The following LAMC2 variants were observed in gnomAD, a reference collection of about 807,000 sequenced individuals.
LAMC2 encodes laminin subunit gamma-2.
LAMC2 carries 97 observed loss-of-function variants against 140.2 expected under a neutral mutation model. That is an observed-to-expected ratio of 0.69 (90% CI 0.59 to 0.82). The LOEUF (loss-of-function observed/expected upper bound fraction) is 0.82. LAMC2 is among the 40% of genes least tolerant of loss of function. LAMC2 has a pLI of 0.00. For synonymous variants in LAMC2, 513 were observed against 540.2 expected (o/e 0.95, Z 0.70); for missense variants, 1,402 against 1,476.1 (o/e 0.95, Z 0.82).
intron 11 of LAMC2, among the ~76,000 whole-genome samples, chr1:183,230,698 T>G (rs1225660263): frequency 3.3e-5 from 5 of 152,042 alleles, no homozygotes; most frequent in Admixed American, 2.0e-4. Context: ...AAAGCCAGAG[T>G]GCTTGCAGAA....
chr1:183,252,414 A>T, the LAMC2 span: 2 of 326,426 alleles, frequency 6.1e-6, no homozygotes, highest in Middle Eastern at 1.2e-3. Flanking sequence ...CTCCCACCCC[A>T]TTCCCTCACC....
rs1659711515 is a variant in LAMC2, at chr1:183,228,716, A to T, written c.1714+97A>T. The T allele has an allele frequency of 3.9e-6, 6 of 1,528,714 alleles. No individual in the cohort carries two copies. Among genetic ancestry groups the T allele is most frequent in the East Asian group, 2.2e-5 (1 of 44,460 alleles). 94.7% of individuals were successfully genotyped at this position (1,528,714 alleles called of 1,614,324 possible). On this transcript the variant is annotated intron_variant, in intron 11 of 22. Coordinates refer to ENST00000264144, the MANE Select transcript of LAMC2 (RefSeq NM_005562.3). This position sits in a 1 kb window ranked among gnomAD's most constrained non-coding sequence, Gnocchi z 4.3. ...AGGGACAATGGCAGTTCATATCATG[A>T]TGTTACTTTGATTCTCTGACCAAAC...
In LAMC2 at chr1:183,243,376, T is replaced by C; in HGVS notation, c.3558T>C (p.Asn1186=). 2 of 1,614,190 alleles carry C rather than the reference T, an allele frequency of 1.2e-6. No homozygotes were observed. Among genetic ancestry groups the C allele is most frequent in the African/African-American group, 1.3e-5 (1 of 75,058 alleles). Residue 1186 remains asparagine, a synonymous_variant, in exon 23 of 23, where the codon AAT becomes AAC. Coordinates refer to ENST00000264144, the MANE Select transcript of LAMC2 (RefSeq NM_005562.3). ...ACAACCTGCCCCCAGGCTGCTACAA[T>C]ACCCAGGCTCTTGAGCAACAGTGAA... is the stretch of plus-strand genomic sequence containing the variant. ...IRDNLPPGCY[N]TQALEQQ
the LAMC2 span, chr1:183,252,670 T>A: frequency 6.2e-7 from 1 of 1,614,070 alleles, no homozygotes; most frequent in South Asian, 1.1e-5. Flanking sequence ...TACAGCTGGC[T>A]TTTGAGGATG....
At chr1:183,245,349 A>G (rs1423206819), downstream of LAMC2, among the ~76,000 whole-genome samples, 1 of 152,232 alleles carries the variant, frequency 6.6e-6, no homozygotes, top group African/African-American at 2.4e-5. Context: ...AGGTCTGGTC[A>G]CTTTGCTTTA....
chr1:183,218,393 C>T lies in LAMC2; in HGVS notation c.408C>T (p.Asp136=). 2.5e-6 allele frequency: 4 copies of T among 1,613,662 alleles called. No homozygotes were observed. The highest frequency in any genetic ancestry group is 3.4e-6 in the Non-Finnish European group (4 of 1,179,552). The change falls in exon 4 of 23, where the codon GAC becomes GAT. Residue 136 remains aspartate, a synonymous_variant. Coordinates refer to ENST00000264144, the MANE Select transcript of LAMC2 (RefSeq NM_005562.3). ...TTTTCTTTTTCTTCTTCCCCAGAGA[C>T]TCCAAGTGTGACTGTGACCCAGCTG... is the stretch of plus-strand genomic sequence containing the variant. ...AGCTQDQRLL[D]SKCDCDPAGI...
In LAMC2 at chr1:183,207,997, G is replaced by A. The variant is rs146325169; in HGVS notation, c.196G>A (p.Glu66Lys). The A allele has an allele frequency of 1.5e-3, 2,453 of 1,614,096 alleles. 2 individuals carry two copies. Among genetic ancestry groups the A allele is most frequent in the Middle Eastern group, 3.5e-3 (21 of 6,062 alleles). Residue 66 changes from glutamate (E) to lysine (K), a missense_variant, in exon 2 of 23, where the codon GAG becomes AAG. By Grantham distance (56) the Glu-to-Lys change is moderately conservative. Transcript: ENST00000264144. ...CNDNTDGIHC[E>K]KCKNGFYRHR... Reference sequence around the variant, plus strand: ...TGACAACACTGATGGCATTCACTGCGAGAAGTGCAAGAATGGCTTTTACCG... The same window carrying A: ...TGACAACACTGATGGCATTCACTGCAAGAAGTGCAAGAATGGCTTTTACCG...
intron 1 of LAMC2, 46 bp from the exon 2 acceptor site, chr1:183,207,835 G>GTGT: frequency 1.7e-6 from 2 of 1,185,252 alleles, no homozygotes; most frequent in South Asian, 1.3e-5. Flanking sequence ...TTCCTGAGGT[G>GTGT]TTTTTTTTTT....
At chr1:183,247,080 G>A (rs1157560287), downstream of LAMC2, among the ~76,000 whole-genome samples, 1 of 152,202 alleles carries the variant, frequency 6.6e-6, no homozygotes, top group African/African-American at 2.4e-5. Context: ...GGAGGCCAAG[G>A]CAGGCAGATC....
chr1:183,237,619 C>A, intron 18 of LAMC2, 115 bp downstream of exon 18: 1 of 1,073,874 alleles, frequency 9.3e-7, no homozygotes, highest in Non-Finnish European at 1.4e-6. Context: ...TGACTTATCC[C>A]TGTAATCCCC....
Position 183,221,685 on chromosome 1 carries a change from C to T in LAMC2, c.641-404C>T, listed in dbSNP as rs996780435. Among the ~76,000 whole-genome samples, 5 of 151,302 alleles carry T rather than the reference C, an allele frequency of 3.3e-5. No homozygotes were observed. In the East Asian group the frequency reaches 5.8e-4, roughly 18 times the overall value. On this transcript the variant is annotated intron_variant, in intron 5 of 22. Coordinates refer to ENST00000264144, the MANE Select transcript of LAMC2 (RefSeq NM_005562.3). ...CGGAGCTTGCAGTGAGCCGAGATCG[C>T]GCCACTGCACTCCAGCCTGGGTGAC...
chr1:183,200,774 C>T (rs1414004945), intron 1 of LAMC2, among the ~76,000 whole-genome samples: 1 of 152,056 alleles, frequency 6.6e-6, no homozygotes, highest in African/African-American at 2.4e-5. Context: ...CTTTGATCTG[C>T]GTCTCTGGGT....
At position 183,238,418 on chromosome 1, in the gene LAMC2, A is replaced by G. The variant is rs1335597117; in HGVS notation, c.2866A>G (p.Arg956Gly). ...YEVESILKNL[R>G]EFDLQVDNRK... The stretch of plus-strand genomic sequence containing the variant: ...AGTTGAGAGCATCCTTAAAAACCTC[A>G]GAGGTTAGTACTTCATGGTTCAGGT... Residue 956 changes from arginine to glycine, a missense_variant, in exon 19 of 23, where the codon AGA becomes GGA. Physicochemically the swap from Arg to Gly is moderately radical, Grantham distance 125 (BLOSUM62 -2). Coordinates refer to ENST00000264144, the MANE Select transcript of LAMC2 (RefSeq NM_005562.3). 1 of 1,600,034 alleles carries G rather than the reference A, an allele frequency of 6.2e-7. No individual in the cohort carries two copies. Among genetic ancestry groups the G allele is most frequent in the Non-Finnish European group, 8.6e-7 (1 of 1,167,116 alleles).
In LAMC2 at chr1:183,237,438, G is replaced by A. The variant is rs1047981; in HGVS notation, c.2688G>A (p.Gln896=). 0.22 allele frequency: 356,084 copies of A among 1,613,376 alleles called. 46,122 individuals carry two copies. The highest frequency in any genetic ancestry group is 0.51 in the African/African-American group (38,354 of 74,924). The change falls in exon 18 of 23, where the codon CAG becomes CAA. Residue 896 remains glutamine (Q), a synonymous_variant. Transcript: ENST00000264144. The part of the protein sequence containing the change: ...TRHMDEFKRT[Q]KNLGNWKEEA... ...ATATGGATGAGTTCAAGCGTACACA[G>A]AAGAATCTGGGAAACTGGAAAGAAG...
chr1:183,189,752 CTG>C (rs1441415152), intron 1 of LAMC2, among the ~76,000 whole-genome samples: 1 of 152,152 alleles, frequency 6.6e-6, no homozygotes, highest in Non-Finnish European at 1.5e-5. Context: ...CAAAGGAAGA[CTG>C]TCAGCAACAT....
At chr1:183,193,962 A>G (rs951431270) in intron 1 of LAMC2, among the ~76,000 whole-genome samples, 13 of 152,030 alleles carry the variant, frequency 8.6e-5, no homozygotes, top group Admixed American at 5.9e-4. Context: ...TTTGAGATGG[A>G]GTCTCCCTCT....
Position 183,243,701 on chromosome 1 carries a change from A to G in LAMC2, c.*301A>G, listed in dbSNP as rs1367582094. 4 of 446,208 alleles carry G rather than the reference A, an allele frequency of 9.0e-6. No homozygotes were observed. Among genetic ancestry groups the G allele is most frequent in the Non-Finnish European group, 1.2e-5 (3 of 240,860 alleles). The allele number at this position is 446,208 out of a possible 1,614,324, so 27.6% of individuals were successfully genotyped here. ...AACTGCACAGGCAGATGTTTGCCTCATAATAGTCGTAAGTGGAGTCCTGGA... is the reference window on the plus strand; with the variant it reads ...AACTGCACAGGCAGATGTTTGCCTCGTAATAGTCGTAAGTGGAGTCCTGGA... On this transcript the variant is annotated 3_prime_UTR_variant, in exon 23 of 23. Coordinates refer to ENST00000264144, the MANE Select transcript of LAMC2 (RefSeq NM_005562.3).
Position 183,226,689 on chromosome 1 carries a change from C to T in LAMC2, c.1067-9C>T, listed in dbSNP as rs371632343. ...ACTTGCAACTTCTAACCTGTTCTCTCGATTGCAGGTACTGGGTACATTGAC... is the reference window on the plus strand; with the variant it reads ...ACTTGCAACTTCTAACCTGTTCTCTTGATTGCAGGTACTGGGTACATTGAC... On this transcript the variant is annotated splice_polypyrimidine_tract_variant and intron_variant, in intron 8 of 22. Transcript: ENST00000264144. 67 of 1,609,790 alleles carry T rather than the reference C, an allele frequency of 4.2e-5. No individual in the cohort carries two copies. The highest frequency in any genetic ancestry group is 2.7e-4 in the African/African-American group (20 of 74,968).
Position 183,199,151 on chromosome 1 carries a change from C to T in LAMC2, c.80-8730C>T, listed in dbSNP as rs533176828. Among the ~76,000 whole-genome samples, 7 of 128,606 alleles carry T rather than the reference C, an allele frequency of 5.4e-5. No individual in the cohort carries two copies. In the South Asian group the frequency reaches 1.8e-3, roughly 33 times the overall value. The allele number at this position is 128,606 out of a possible 152,430, so 84.4% of individuals were successfully genotyped here. ...ACAGAGTCTCGTACTGTCACCTAGG[C>T]TGGAGTGCAGTGGCACCATCTTGGC... On this transcript the variant is annotated intron_variant, in intron 1 of 22. Coordinates refer to ENST00000264144, the MANE Select transcript of LAMC2 (RefSeq NM_005562.3).
Sources: gnomAD v4.1 joint callset for allele counts (sites outside exome capture counted in the v4.1 genomes callset) on GRCh38, gnomAD v4.1.1 for gene constraint, Gnocchi (gnomAD v3.1) non-coding constraint, MANE v1.5 for transcripts, NCBI Gene and HGNC (gene_info 2026-07-23, HGNC 2026-07-21) for gene names.